The following CALU variants were observed in gnomAD, a reference collection of about 807,000 sequenced individuals.
CALU encodes the protein IEF SSP 9302.
A neutral mutation model predicts 37.5 loss-of-function variants in CALU; 13 were observed. The observed-to-expected ratio is 0.35, with a 90% CI of 0.23 to 0.55. The LOEUF is 0.55. CALU is among the 20% of genes least tolerant of loss of function. CALU has a pLI of 0.89. For missense variants in CALU, 282 were observed against 391.7 expected, an observed-to-expected ratio of 0.72 and a Z score of 2.36; for synonymous variants, 114 against 133.8, an observed-to-expected ratio of 0.85 and a Z score of 1.02.
intron 3 of CALU, among the ~76,000 whole-genome samples, chr7:128,757,137 T>G (rs1351259788): frequency 1.3e-5 from 2 of 152,112 alleles, no homozygotes; most frequent in East Asian, 3.8e-4. Context: ...TATATGTGCA[T>G]GTTGCTATTA....
intron 1 of CALU, among the ~76,000 whole-genome samples, chr7:128,742,256 A>G (rs1017438717): frequency 1.3e-5 from 2 of 152,220 alleles, no homozygotes; most frequent in African/African-American, 4.8e-5. Flanking sequence ...GGGCCTTAGT[A>G]TAGTTAAATT....
intron 2 of CALU, among the ~76,000 whole-genome samples, chr7:128,752,512 C>A (rs574236559): frequency 1.3e-5 from 2 of 152,244 alleles, no homozygotes; most frequent in South Asian, 4.1e-4. Flanking sequence ...TACAGTGGCA[C>A]TATTGGTAGC....
At chr7:128,749,665 CGTT>C (rs1339169197) in intron 2 of CALU, among the ~76,000 whole-genome samples, 14 of 152,156 alleles carry the variant, frequency 9.2e-5, no homozygotes, top group African/African-American at 3.4e-4. Context: ...GATCATAAGA[CGTT>C]GTAGGATTTG....
intron 1 of CALU, among the ~76,000 whole-genome samples, chr7:128,745,485 T>G (rs1800397242): frequency 1.3e-5 from 2 of 151,998 alleles, no homozygotes; most frequent in South Asian, 4.1e-4. Flanking sequence ...CACACTTGTA[T>G]TCCCAGCTAC....
At position 128,759,854 on chromosome 7, in the gene CALU, TA is replaced by T; in HGVS notation, c.643+4del. On this transcript the variant is annotated splice_donor_region_variant and intron_variant, in intron 5 of 6. Transcript: ENST00000249364. Reference sequence around the variant, plus strand: ...TCATTGATCTAGAAGAGTATATTGGTAAGTCTCTGCTTTTAGTGTTTTTCTT... The same window carrying T: ...TCATTGATCTAGAAGAGTATATTGGTAGTCTCTGCTTTTAGTGTTTTTCTT... 7.6e-7 allele frequency: 1 copy of T among 1,323,848 alleles called. No individual in the cohort carries two copies. The highest frequency in any genetic ancestry group is 1.1e-6 in the Non-Finnish European group (1 of 916,078). The allele number at this position is 1,323,848 out of a possible 1,614,324, so 82.0% of individuals were successfully genotyped here.
intron 1 of CALU, among the ~76,000 whole-genome samples, chr7:128,744,369 A>G (rs1038220482): frequency 6.6e-6 from 1 of 152,144 alleles, no homozygotes; most frequent in African/African-American, 2.4e-5. Flanking sequence ...ATATGGTTTT[A>G]GATAAATCTA....
chr7:128,772,184 A>AT lies in CALU; in HGVS notation c.*3017_*3018insT, dbSNP rs1219032016. Among the ~76,000 whole-genome samples the AT allele has an allele frequency of 6.6e-6, 1 of 151,728 alleles. No homozygotes were observed. The highest frequency in any genetic ancestry group is 1.5e-5 in the Non-Finnish European group (1 of 67,942). On this transcript the variant is annotated 3_prime_UTR_variant, in exon 7 of 7. Coordinates refer to ENST00000249364, the MANE Select transcript of CALU (RefSeq NM_001219.5). ...AATGGATCCCCAGCAGGAAAAAAAA[A>AT]AAAAGTTACTAAAAAGGAAAGTATC...
intron 4 of CALU, 131 bp from the exon 5 acceptor site, chr7:128,759,661 A>G (rs1801024493): frequency 3.2e-6 from 2 of 619,160 alleles, no homozygotes; most frequent in Non-Finnish European, 5.9e-6. Context: ...ATGCATACAT[A>G]CATACATACA....
chr7:128,748,307 CAG>C (rs773689245), intron 1 of CALU: 240 of 1,345,502 alleles, frequency 1.8e-4, no homozygotes, highest in Non-Finnish European at 2.3e-4. Flanking sequence ...TGAAAGAAAA[CAG>C]AAAGTGGACA....
At position 128,754,409 on chromosome 7, in the gene CALU, C is replaced by T. The variant is rs149687314; in HGVS notation, c.369C>T (p.Leu123=). ...WKGHDLNEDG[L]VSWEEYKNAT... ...GGCATGACCTCAATGAGGACGGCCT[C>T]GTTTCCTGGGAGGAGTATAAAAATG... Residue 123 remains leucine (L), a synonymous_variant, in exon 3 of 7, where the codon CTC becomes CTT. Transcript: ENST00000249364. 14 of 1,613,870 alleles carry T rather than the reference C, an allele frequency of 8.7e-6. No individual in the cohort carries two copies. The highest frequency in any genetic ancestry group is 1.6e-4 in the Middle Eastern group (1 of 6,084).
intron 5 of CALU, among the ~76,000 whole-genome samples, chr7:128,762,576 GA>G (rs201170536): frequency 7.4e-4 from 103 of 138,444 alleles, no homozygotes; most frequent in African/African-American, 1.5e-3. Flanking sequence ...CATAGGGAAA[GA>G]AAAAAAAAAA....
chr7:128,760,628 G>T (rs1025360290), intron 5 of CALU, among the ~76,000 whole-genome samples: 4 of 152,210 alleles, frequency 2.6e-5, no homozygotes, highest in Non-Finnish European at 5.9e-5. Context: ...GTTGCAGGGG[G>T]CTGGGCACGG....
At chr7:128,763,635 C>T (rs1801209294) in intron 5 of CALU, among the ~76,000 whole-genome samples, 1 of 152,214 alleles carries the variant, frequency 6.6e-6, no homozygotes. Context: ...ATTCTAGCTT[C>T]CTTTAAAACC....
chr7:128,745,362 G>T (rs560404819), intron 1 of CALU, among the ~76,000 whole-genome samples: 1 of 152,230 alleles, frequency 6.6e-6, no homozygotes, highest in African/African-American at 2.4e-5. Flanking sequence ...GCTTACGACT[G>T]TAATCCCAGC....
At chr7:128,755,472 A>G (rs1188876280) in intron 3 of CALU, among the ~76,000 whole-genome samples, 1 of 152,186 alleles carries the variant, frequency 6.6e-6, no homozygotes, top group Non-Finnish European at 1.5e-5. Context: ...GTCTTAATAA[A>G]ATAGTTTTCC....
chr7:128,758,236 A>G (rs1233172187), intron 3 of CALU, among the ~76,000 whole-genome samples: 1 of 152,160 alleles, frequency 6.6e-6, no homozygotes, highest in Admixed American at 6.5e-5. Context: ...CTGAAAAAAA[A>G]CAGAATGTGA....
At chr7:128,744,732 A>C (rs1800367257) in intron 1 of CALU, among the ~76,000 whole-genome samples, 1 of 152,130 alleles carries the variant, frequency 6.6e-6, no homozygotes, top group Non-Finnish European at 1.5e-5. Flanking sequence ...GCAAGCATGA[A>C]GGAACAGCAC....
chr7:128,772,643 A>G lies in CALU; in HGVS notation c.*3476A>G, dbSNP rs1801633476. On this transcript the variant is annotated 3_prime_UTR_variant, in exon 7 of 7. Coordinates refer to ENST00000249364, the MANE Select transcript of CALU (RefSeq NM_001219.5). ...CATGGCCTTCCCACACACCATCTTC[A>G]TGATGCAAGCTTGGAACTGGAGAGA... is the stretch of plus-strand genomic sequence containing the variant. 1 of 1,614,016 alleles carries G rather than the reference A, an allele frequency of 6.2e-7. No homozygotes were observed. The highest frequency in any genetic ancestry group is 1.3e-5 in the African/African-American group (1 of 74,920).
intron 1 of CALU, among the ~76,000 whole-genome samples, chr7:128,740,885 T>A (rs1800215121): frequency 6.6e-6 from 1 of 152,232 alleles, no homozygotes; most frequent in Non-Finnish European, 1.5e-5. Flanking sequence ...ATCTATATAT[T>A]GGTGTTATTT....
Sources: gnomAD v4.1 joint callset for allele counts (sites outside exome capture counted in the v4.1 genomes callset) on GRCh38, gnomAD v4.1.1 for gene constraint, MANE v1.5 for transcripts, NCBI Gene and HGNC (gene_info 2026-07-23, HGNC 2026-07-21) for gene names.